Variants in SLC26A9 observed in about 807,000 individuals in gnomAD.
The protein encoded by SLC26A9 is anion transporter/exchanger protein 9.
A neutral mutation model predicts 87.1 loss-of-function variants in SLC26A9; 46 were observed. The ratio of observed to expected loss-of-function variants is 0.53; its 90% CI spans 0.42 to 0.67. The LOEUF is 0.67. Ranked by LOEUF, SLC26A9 falls within the 30% of genes least tolerant of loss-of-function variation. SLC26A9 has a pLI of 0.00. For synonymous variants in SLC26A9, 437 were observed against 409.1 expected (o/e 1.07, Z -0.82); for missense variants, 927 against 1,018.3 (o/e 0.91, Z 1.22).
At position 205,935,550 on chromosome 1, in the gene SLC26A9, T is replaced by G. The variant is rs1275266074; in HGVS notation, c.125+146A>C. The stretch of plus-strand genomic sequence containing the variant: ...TCTCAGTACAGATGAGGTTGTAGGA[T>G]CTTAAATTCATCATTCAGAACCTCA... On this transcript the variant is annotated intron_variant, in intron 2 of 20. Transcript: ENST00000367135. 25 of 1,286,856 alleles carry G rather than the reference T, an allele frequency of 1.9e-5. 1 individual carries two copies. The South Asian group carries it at 3.3e-4, about 17-fold the overall frequency. 79.7% of individuals were successfully genotyped at this position (1,286,856 alleles called of 1,614,324 possible). A position where few individuals can be genotyped will look rare whatever the true frequency, so the allele number is the denominator to read the frequency against.
intron 20 of SLC26A9, among the ~76,000 whole-genome samples, chr1:205,916,960 G>A (rs1212269336): frequency 6.6e-6 from 1 of 151,970 alleles, no homozygotes; most frequent in East Asian, 1.9e-4. Flanking sequence ...AATTAGCTGG[G>A]CGCAGGCCTG....
At chr1:205,938,966 C>G (rs954924414) in intron 1 of SLC26A9, among the ~76,000 whole-genome samples, 2 of 152,178 alleles carry the variant, frequency 1.3e-5, no homozygotes, top group African/African-American at 4.8e-5. Context: ...AGATGGAGCA[C>G]CAGATACTAG....
At chr1:205,926,408 A>T in intron 12 of SLC26A9, 127 bp downstream of exon 12, 5 of 733,836 alleles carry the variant, frequency 6.8e-6, no homozygotes, top group African/African-American at 1.7e-5. Context: ...ACTTTTAACC[A>T]CTCATCTCAT....
chr1:205,923,245 T>C (rs1450081460), intron 15 of SLC26A9, 50 bp from the exon 16 acceptor site: 1 of 1,607,340 alleles, frequency 6.2e-7, no homozygotes, highest in Non-Finnish European at 8.5e-7. Context: ...TCTATGGGAG[T>C]GGCCTATTCT....
At chr1:205,920,822 T>G (rs1241073047) in intron 17 of SLC26A9, among the ~76,000 whole-genome samples, 1 of 152,184 alleles carries the variant, frequency 6.6e-6, no homozygotes, top group Non-Finnish European at 1.5e-5. Flanking sequence ...GTAGCTTAGA[T>G]TCTCAGACTT....
intron 1 of SLC26A9, among the ~76,000 whole-genome samples, chr1:205,942,419 C>T (rs1470730336): frequency 6.6e-6 from 1 of 152,196 alleles, no homozygotes; most frequent in African/African-American, 2.4e-5. Context: ...GGGGGAAAGC[C>T]CTCTCTCAGT....
chr1:205,915,503 G>A, intron 20 of SLC26A9, 99 bp from the exon 21 acceptor site: 1 of 1,508,868 alleles, frequency 6.6e-7, no homozygotes. Flanking sequence ...GGAACCCCTG[G>A]CCAGAACAAA....
chr1:205,930,087 G>A, intron 5 of SLC26A9, 31 bp from the exon 6 acceptor site: 4 of 1,572,906 alleles, frequency 2.5e-6, no homozygotes, highest in Non-Finnish European at 3.5e-6. Flanking sequence ...GTTGGTGGCG[G>A]AAGACCAATG....
chr1:205,917,147 A>C, intron 20 of SLC26A9, 136 bp downstream of exon 20: 3 of 711,760 alleles, frequency 4.2e-6, no homozygotes. Flanking sequence ...AGATGACCAC[A>C]AATCTTTGTG....
At chr1:205,922,295 C>G (rs554995190) in intron 16 of SLC26A9, among the ~76,000 whole-genome samples, 1 of 152,314 alleles carries the variant, frequency 6.6e-6, no homozygotes, top group South Asian at 2.1e-4. Flanking sequence ...CACCACCACG[C>G]CTGGCTAATT....
intron 8 of SLC26A9, 35 bp downstream of exon 8, chr1:205,928,792 C>T (rs535156230): frequency 1.4e-5 from 22 of 1,604,394 alleles, no homozygotes; most frequent in South Asian, 6.6e-5. Flanking sequence ...GCATGAGGTG[C>T]GGGTGGGCCA....
intron 1 of SLC26A9, among the ~76,000 whole-genome samples, chr1:205,938,299 C>T (rs1659602024): frequency 6.6e-6 from 1 of 151,868 alleles, no homozygotes; most frequent in African/African-American, 2.4e-5. Context: ...GTCCTTCTGT[C>T]CTGTCCATTG....
chr1:205,929,797 G>A, intron 6 of SLC26A9, 95 bp downstream of exon 6: 1 of 1,413,188 alleles, frequency 7.1e-7, no homozygotes, highest in South Asian at 1.6e-5. Flanking sequence ...GCCAGCCCTT[G>A]CAATGAGGAG....
At position 205,935,785 on chromosome 1, in the gene SLC26A9, T is replaced by G. The variant is rs1659486608; in HGVS notation, c.36A>C (p.Arg12Ser). Residue 12 changes from arginine to serine, a missense_variant, in exon 2 of 21, where the codon AGA (arginine) becomes AGC (serine). By Grantham distance (110) the Arg-to-Ser change is moderately radical. Coordinates refer to ENST00000367135, the MANE Select transcript of SLC26A9 (RefSeq NM_052934.4). ...CGAAGAGGGTAAGGGAGTATGCGGC[T>G]CTGTCTACCACGTAGCGGGGCCTGG... is the stretch of plus-strand genomic sequence containing the variant. ...SQPRPRYVVD[R>S]AAYSLTLFDD... is the part of the protein sequence containing the mutation. The G allele has an allele frequency of 6.2e-7, 1 of 1,613,950 alleles. No individual in the cohort carries two copies. The highest frequency in any genetic ancestry group is 8.5e-7 in the Non-Finnish European group (1 of 1,179,894).
chr1:205,921,533 G>A (rs1169753032), intron 17 of SLC26A9, 33 bp downstream of exon 17: 1 of 1,591,160 alleles, frequency 6.3e-7, no homozygotes, highest in Admixed American at 1.7e-5. Context: ...AGGGGGTGGA[G>A]TGGGTGGTGC....
At chr1:205,935,571 C>T in intron 2 of SLC26A9, 125 bp downstream of exon 2, 3 of 1,429,294 alleles carry the variant, frequency 2.1e-6, no homozygotes, top group Non-Finnish European at 2.9e-6. Flanking sequence ...TCATTCAGAA[C>T]CTCACTTCCC....
At chr1:205,933,868 C>T (rs972536353) in intron 2 of SLC26A9, among the ~76,000 whole-genome samples, 1 of 152,134 alleles carries the variant, frequency 6.6e-6, no homozygotes, top group Non-Finnish European at 1.5e-5. Flanking sequence ...GTTTGTTGAA[C>T]ACCTCAAGGT....
Position 205,918,843 on chromosome 1 carries a change from T to C in SLC26A9, c.2253A>G (p.Gln751=). ...TCCCCAGGTGCAAGAACCTTACCCC[T>C]TGGAAGTTGTGTCCTGGGGTCACGT... is the stretch of plus-strand genomic sequence containing the variant. ...ARDVTPGHNF[Q]GAPGDAELSL... Residue 751 remains glutamine, a synonymous_variant, in exon 19 of 21, where the codon CAA becomes CAG. Transcript: ENST00000367135. 6.2e-7 allele frequency: 1 copy of C among 1,613,118 alleles called. No individual in the cohort carries two copies. Among genetic ancestry groups the C allele is most frequent in the South Asian group, 1.1e-5 (1 of 91,046 alleles).
chr1:205,920,227 T>C lies in SLC26A9; in HGVS notation c.2059A>G (p.Ser687Gly). Residue 687 changes from serine to glycine, a missense_variant, in exon 18 of 21, where the codon AGC (serine) becomes GGC (glycine). Physicochemically the swap from Ser to Gly is moderately conservative, Grantham distance 56. Coordinates refer to ENST00000367135, the MANE Select transcript of SLC26A9 (RefSeq NM_052934.4). ...LMGIKALAKL[S>G]STYGKIGVKV... is the part of the protein sequence containing the mutation. The stretch of plus-strand genomic sequence containing the variant: ...ACGCCGATCTTCCCATAGGTGGAGC[T>C]CAGCTAGAAGTGTTGTTGGGGTAGG... The C allele has an allele frequency of 6.2e-7, 1 of 1,613,958 alleles. No homozygotes were observed. Among genetic ancestry groups the C allele is most frequent in the South Asian group, 1.1e-5 (1 of 91,080 alleles).
Sources: gnomAD v4.1 joint callset for allele counts (sites outside exome capture counted in the v4.1 genomes callset) on GRCh38, gnomAD v4.1.1 for gene constraint, MANE v1.5 for transcripts, NCBI Gene and HGNC (gene_info 2026-07-23, HGNC 2026-07-21) for gene names.